The following MPZL1 variants were observed in gnomAD, a reference collection of about 807,000 sequenced individuals.
MPZL1 encodes myelin protein zero-like protein 1.
A neutral mutation model predicts 29.3 loss-of-function variants in MPZL1; 16 were observed. That is an observed-to-expected ratio of 0.55 (90% CI 0.37 to 0.83). The LOEUF (loss-of-function observed/expected upper bound fraction) is 0.83. Among genes scored for constraint, MPZL1 ranks in the 40% least tolerant of loss-of-function variants. The pLI, the probability that MPZL1 is intolerant of heterozygous loss-of-function variation, is 0.00. For synonymous variants in MPZL1, 143 were observed against 132.0 expected (o/e 1.08, Z -0.57); for missense variants, 279 against 332.9 (o/e 0.84, Z 1.26).
At chr1:167,725,562 C>T (rs1017682383) in intron 1 of MPZL1, among the ~76,000 whole-genome samples, 4 of 152,004 alleles carry the variant, frequency 2.6e-5, no homozygotes, top group African/African-American at 9.7e-5. Context: ...CTCGGCTCAC[C>T]ACAACCTCCA....
At chr1:167,759,929 G>T (rs7548920) in intron 1 of MPZL1, among the ~76,000 whole-genome samples, 2,342 of 152,290 alleles carry the variant, frequency 0.015, 59 homozygotes, top group African/African-American at 0.052. Context: ...GTAGGACTTT[G>T]TAGGCCACTT....
chr1:167,787,945 A>G lies in MPZL1; in HGVS notation c.*24A>G, dbSNP rs1187543450. The G allele has an allele frequency of 1.3e-6, 2 of 1,583,722 alleles. No homozygotes were observed. Among genetic ancestry groups the G allele is most frequent in the Non-Finnish European group, 1.7e-6 (2 of 1,152,630 alleles). On this transcript the variant is annotated 3_prime_UTR_variant, in exon 6 of 6. Transcript: ENST00000359523. ...AAGAGAATACCTAGAACATATCCTCAGCAAGAAACAAAACCAAACTGGACT... is the reference window on the plus strand; with the variant it reads ...AAGAGAATACCTAGAACATATCCTCGGCAAGAAACAAAACCAAACTGGACT...
chr1:167,787,478 C>T (rs1661614177), intron 5 of MPZL1, among the ~76,000 whole-genome samples: 1 of 152,060 alleles, frequency 6.6e-6, no homozygotes, highest in Non-Finnish European at 1.5e-5. Context: ...AGACTCTTAC[C>T]CCAATTGTAA....
At chr1:167,781,040 T>A (rs952370224) in intron 5 of MPZL1, among the ~76,000 whole-genome samples, 1 of 152,110 alleles carries the variant, frequency 6.6e-6, no homozygotes, top group Non-Finnish European at 1.5e-5. Flanking sequence ...GACAAAGTGA[T>A]CTACTCATGA....
At chr1:167,777,438 GT>G (rs1379563215) in intron 5 of MPZL1, among the ~76,000 whole-genome samples, 6 of 152,314 alleles carry the variant, frequency 3.9e-5, no homozygotes, top group African/African-American at 1.4e-4. Context: ...CCTTGAAGCA[GT>G]TTCCACACTG....
intron 5 of MPZL1, among the ~76,000 whole-genome samples, chr1:167,778,564 G>GGATA (rs879571359): frequency 6.7e-6 from 1 of 149,130 alleles, no homozygotes; most frequent in African/African-American, 2.5e-5. Context: ...ATGGATGGAT[G>GGATA]GATAGATTTA....
At chr1:167,732,285 A>C (rs1660287781) in intron 1 of MPZL1, among the ~76,000 whole-genome samples, 2 of 152,232 alleles carry the variant, frequency 1.3e-5, no homozygotes, top group Admixed American at 1.3e-4. Flanking sequence ...TTGCCTGGGC[A>C]ACATGGCAAA....
chr1:167,734,145 A>G (rs542688660), intron 1 of MPZL1, among the ~76,000 whole-genome samples: 229 of 151,708 alleles, frequency 1.5e-3, no homozygotes, highest in Non-Finnish European at 2.5e-3. Context: ...AGTCCCAGCT[A>G]CTCGGGAGGC....
intron 2 of MPZL1, among the ~76,000 whole-genome samples, chr1:167,771,628 C>T (rs905860648): frequency 1.3e-5 from 2 of 151,722 alleles, no homozygotes; most frequent in Admixed American, 6.6e-5. Flanking sequence ...CAGAGGCGCT[C>T]CTCACTTCCC....
At chr1:167,759,742 C>T (rs1277168633) in intron 1 of MPZL1, among the ~76,000 whole-genome samples, 1 of 152,226 alleles carries the variant, frequency 6.6e-6, no homozygotes, top group Non-Finnish European at 1.5e-5. Context: ...TCCCTTGTCT[C>T]TCATGGCATC....
In MPZL1 at chr1:167,780,736, G is replaced by A. The variant is rs1053273735; in HGVS notation, c.708+4570G>A. ...AGTAGAGTGGTAGTTGTTGGGGAAG[G>A]AAGAATAGGGAGTTGTTTAATTGGT... On this transcript the variant is annotated intron_variant, in intron 5 of 5. Transcript: ENST00000359523. Among the ~76,000 whole-genome samples, 7 of 152,284 alleles carry A rather than the reference G, an allele frequency of 4.6e-5. No individual in the cohort carries two copies. The South Asian group carries it at 1.2e-3, about 27-fold the overall frequency.
intron 1 of MPZL1, among the ~76,000 whole-genome samples, chr1:167,745,991 A>G (rs1660638698): frequency 6.6e-6 from 1 of 152,146 alleles, no homozygotes; most frequent in East Asian, 1.9e-4. Flanking sequence ...ACAGAAAATA[A>G]TGTGTCTTAC....
intron 5 of MPZL1, among the ~76,000 whole-genome samples, chr1:167,780,847 CT>C (rs569440312): frequency 8.9e-4 from 136 of 152,206 alleles, no homozygotes; most frequent in Non-Finnish European, 1.5e-3. Flanking sequence ...AAGCTGTACA[CT>C]TTAAAATGGT....
At chr1:167,784,141 G>T (rs1661545751) in intron 5 of MPZL1, among the ~76,000 whole-genome samples, 1 of 152,064 alleles carries the variant, frequency 6.6e-6, no homozygotes, top group Non-Finnish European at 1.5e-5. Flanking sequence ...ACCAGTTATG[G>T]TTTTTTTATT....
chr1:167,746,497 A>G (rs1159547931), intron 1 of MPZL1, among the ~76,000 whole-genome samples: 2 of 152,208 alleles, frequency 1.3e-5, no homozygotes, highest in Non-Finnish European at 1.5e-5. Context: ...AAGACAATAC[A>G]TATGTCGAAT....
At chr1:167,725,031 A>G (rs1250110631) in intron 1 of MPZL1, among the ~76,000 whole-genome samples, 2 of 152,230 alleles carry the variant, frequency 1.3e-5, no homozygotes, top group African/African-American at 2.4e-5. Context: ...TGAAATGAGC[A>G]CATAGTATAT....
intron 1 of MPZL1, among the ~76,000 whole-genome samples, chr1:167,737,157 A>C (rs1387718602): frequency 1.3e-5 from 2 of 152,206 alleles, no homozygotes; most frequent in African/African-American, 2.4e-5. Flanking sequence ...AAATACAGGA[A>C]CTGTGTGTCT....
At chr1:167,751,802 T>C (rs1326239107) in intron 1 of MPZL1, among the ~76,000 whole-genome samples, 1 of 152,258 alleles carries the variant, frequency 6.6e-6, no homozygotes, top group Non-Finnish European at 1.5e-5. Flanking sequence ...AGTATTGTTT[T>C]TGAAAGATTT....
chr1:167,775,395 C>A (rs1290298841), intron 4 of MPZL1, among the ~76,000 whole-genome samples: 1 of 152,176 alleles, frequency 6.6e-6, no homozygotes, highest in Non-Finnish European at 1.5e-5. Context: ...TTTCTTACTT[C>A]CTGGCATTCA....
Sources: gnomAD v4.1 joint callset for allele counts (sites outside exome capture counted in the v4.1 genomes callset) on GRCh38, gnomAD v4.1.1 for gene constraint, MANE v1.5 for transcripts, NCBI Gene and HGNC (gene_info 2026-07-23, HGNC 2026-07-21) for gene names.